Variants in KPNA4 observed in about 807,000 individuals in gnomAD.
KPNA4 encodes karyopherin subunit alpha 4, also known as importin subunit alpha-3.
Under a neutral mutation model 71.3 loss-of-function variants are expected in KPNA4, and 13 were observed. That is an observed-to-expected ratio of 0.18 (90% CI 0.12 to 0.29). The LOEUF (loss-of-function observed/expected upper bound fraction) is 0.29. KPNA4 is among the 10% of genes least tolerant of loss of function. The pLI is 1.00. For missense variants in KPNA4, 334 were observed against 603.2 expected, an observed-to-expected ratio of 0.55 and a Z score of 4.67; for synonymous variants, 189 against 195.2, an observed-to-expected ratio of 0.97 and a Z score of 0.26.
intron 11 of KPNA4, among the ~76,000 whole-genome samples, chr3:160,518,424 C>T (rs188690031): frequency 2.1e-3 from 312 of 151,206 alleles, no homozygotes; most frequent in African/African-American, 7.3e-3. Flanking sequence ...CGTGAGCCAC[C>T]GCGCCCGGCC....
chr3:160,518,690 T>C (rs918061750), intron 11 of KPNA4, among the ~76,000 whole-genome samples: 1 of 151,558 alleles, frequency 6.6e-6, no homozygotes, highest in African/African-American at 2.4e-5. Flanking sequence ...TGAAACCCTA[T>C]CTCTACTAAA....
At chr3:160,504,912 CTA>C in intron 16 of KPNA4, 44 bp downstream of exon 16, 2 of 882,274 alleles carry the variant, frequency 2.3e-6, no homozygotes, top group Non-Finnish European at 3.3e-6. Context: ...TTATCCAGAT[CTA>C]TGTTTATATA....
intron 5 of KPNA4, 68 bp from the exon 6 acceptor site, chr3:160,531,625 T>C (rs1577055164): frequency 3.9e-6 from 3 of 770,126 alleles, no homozygotes; most frequent in East Asian, 6.0e-5. Flanking sequence ...TATAAATTCA[T>C]ATTTGACAAA....
intron 2 of KPNA4, among the ~76,000 whole-genome samples, chr3:160,536,514 T>C (rs571265258): frequency 6.6e-6 from 1 of 152,226 alleles, no homozygotes; most frequent in Admixed American, 6.5e-5. Context: ...GACTTATACT[T>C]TAAGTTCTTT....
intron 1 of KPNA4, among the ~76,000 whole-genome samples, chr3:160,543,564 C>G (rs1364381090): frequency 6.6e-6 from 1 of 152,136 alleles, no homozygotes; most frequent in Non-Finnish European, 1.5e-5. Flanking sequence ...AACTCCTGAC[C>G]TCACGTGAAT....
chr3:160,525,186 C>A (rs1258272273), intron 10 of KPNA4, among the ~76,000 whole-genome samples: 1 of 151,944 alleles, frequency 6.6e-6, no homozygotes, highest in African/African-American at 2.4e-5. Context: ...ATCTTGCCTG[C>A]ACTGATTTTT....
At chr3:160,535,624 GAA>G (rs1560051583) in intron 4 of KPNA4, 35 bp downstream of exon 4, 1 of 1,587,468 alleles carries the variant, frequency 6.3e-7, no homozygotes, top group Admixed American at 1.8e-5. Flanking sequence ...TTGAGGACAA[GAA>G]ATGCAAATGA....
intron 10 of KPNA4, among the ~76,000 whole-genome samples, chr3:160,523,141 G>C (rs1446134278): frequency 6.6e-6 from 1 of 152,180 alleles, no homozygotes; most frequent in Non-Finnish European, 1.5e-5. Flanking sequence ...TATGAACTCT[G>C]TGTCAAGACA....
rs748024388 is a variant in KPNA4 at position 160,497,871 on chromosome 3, A to G, written c.*4233T>C. On this transcript the variant is annotated 3_prime_UTR_variant, in exon 17 of 17. Coordinates refer to ENST00000334256, the MANE Select transcript of KPNA4 (RefSeq NM_002268.5). ...AGTTCACTTTAATAGCTACAATGGA[A>G]GATTCAATTTTGGAAACTCAAAAAG... 19 of 152,200 alleles carry G rather than the reference A, an allele frequency of 1.2e-4. No homozygotes were observed. The highest frequency in any genetic ancestry group is 2.6e-4 in the Non-Finnish European group (18 of 68,034). The allele number at this position is 152,200 out of a possible 1,614,324, so 9.4% of individuals were successfully genotyped here. A position where few individuals can be genotyped will look rare whatever the true frequency, so the allele number is the denominator to read the frequency against.
At chr3:160,546,291 G>A (rs1721905387) in intron 1 of KPNA4, among the ~76,000 whole-genome samples, 1 of 152,210 alleles carries the variant, frequency 6.6e-6, no homozygotes, top group Admixed American at 6.5e-5. Context: ...GCTAAGGCGG[G>A]TGGATCACTT....
intron 1 of KPNA4, among the ~76,000 whole-genome samples, chr3:160,540,682 T>C (rs1226765631): frequency 6.6e-6 from 1 of 152,104 alleles, no homozygotes; most frequent in African/African-American, 2.4e-5. Flanking sequence ...TACATGAAAA[T>C]ATATTAGTTG....
chr3:160,505,091 T>C, intron 15 of KPNA4, 39 bp from the exon 16 acceptor site: 1 of 1,059,532 alleles, frequency 9.4e-7, no homozygotes, highest in Non-Finnish European at 1.4e-6. Flanking sequence ...TAGTAATATT[T>C]AAAGAGCAGT....
intron 16 of KPNA4, among the ~76,000 whole-genome samples, chr3:160,503,331 C>CA (rs1355479878): frequency 2.6e-5 from 4 of 151,980 alleles, no homozygotes; most frequent in African/African-American, 9.7e-5. Context: ...AAAAATATTC[C>CA]AAAATCTGAA....
At chr3:160,526,649 T>G (rs993766974) in intron 8 of KPNA4, among the ~76,000 whole-genome samples, 1 of 152,230 alleles carries the variant, frequency 6.6e-6, no homozygotes, top group Non-Finnish European at 1.5e-5. Flanking sequence ...TAGTCCTGAT[T>G]GCATGCTAAG....
chr3:160,535,502 A>G lies in KPNA4; in HGVS notation c.287+11T>C. The G allele has an allele frequency of 6.3e-7, 1 of 1,589,900 alleles. No individual in the cohort carries two copies. Among genetic ancestry groups the G allele is most frequent in the Non-Finnish European group, 8.6e-7 (1 of 1,165,920 alleles). On this transcript the variant is annotated intron_variant, in intron 5 of 16. Coordinates refer to ENST00000334256, the MANE Select transcript of KPNA4 (RefSeq NM_002268.5). ...TGTAAAATCTAAACATGTCTTCCAA[A>G]TTCAACTTACCTAGCAGCTTGAACT...
chr3:160,533,277 G>C (rs749857084), intron 5 of KPNA4, among the ~76,000 whole-genome samples: 1 of 151,968 alleles, frequency 6.6e-6, no homozygotes, highest in Non-Finnish European at 1.5e-5. Flanking sequence ...CCCTGGCCTC[G>C]GCGTCCCAAA....
At chr3:160,526,133 T>C in intron 8 of KPNA4, 26 bp from the exon 9 acceptor site, 2 of 1,457,150 alleles carry the variant, frequency 1.4e-6, no homozygotes, top group Middle Eastern at 2.6e-4. Flanking sequence ...ATTAATTTAC[T>C]CAATAAAACA....
rs770873002 is a variant in KPNA4, at chr3:160,502,024, A to ATG, written c.*79_*80insCA. On this transcript the variant is annotated 3_prime_UTR_variant, in exon 17 of 17. Coordinates refer to ENST00000334256, the MANE Select transcript of KPNA4 (RefSeq NM_002268.5). ...GGATCAAACCTTTTTATATATATGT[A>ATG]TATATATATATATATACACACACAC... The ATG allele has an allele frequency of 1.1e-5, 2 of 182,118 alleles. No homozygotes were observed. The highest frequency in any genetic ancestry group is 2.0e-5 in the Non-Finnish European group (2 of 98,100). The allele number at this position is 182,118 out of a possible 1,614,324, so 11.3% of individuals were successfully genotyped here. A position where few individuals can be genotyped will look rare whatever the true frequency, so the allele number is the denominator to read the frequency against.
intron 14 of KPNA4, 58 bp from the exon 15 acceptor site, chr3:160,508,327 T>C (rs1721027054): frequency 8.0e-7 from 1 of 1,245,148 alleles, no homozygotes. Flanking sequence ...TGTGCCATGT[T>C]ATCTCACTGG....
Sources: allele counts gnomAD v4.1 joint callset (sites outside exome capture counted in the v4.1 genomes callset), GRCh38; gene constraint gnomAD v4.1.1; transcripts MANE v1.5; gene names NCBI Gene and HGNC (gene_info 2026-07-23, HGNC 2026-07-21).